VNN1: variants seen among roughly 807,000 people sequenced by gnomAD.
VNN1 encodes vanin 1.
VNN1 carries 29 observed loss-of-function variants against 41.9 expected under a neutral mutation model. The observed-to-expected ratio is 0.69, with a 90% CI of 0.52 to 0.94. VNN1 has a LOEUF of 0.94. Among genes scored for constraint, VNN1 ranks in the 40% least tolerant of loss-of-function variants. The pLI, the probability that VNN1 is intolerant of heterozygous loss-of-function variation, is 0.00. For synonymous variants in VNN1, 233 were observed against 224.4 expected (o/e 1.04, Z -0.34); for missense variants, 637 against 621.1 (o/e 1.03, Z -0.27).
Position 132,682,691 on chromosome 6 carries a change from C to T in VNN1, c.*449G>A, listed in dbSNP as rs577199813. On this transcript the variant is annotated 3_prime_UTR_variant, in exon 7 of 7. Coordinates refer to ENST00000367928, the MANE Select transcript of VNN1 (RefSeq NM_004666.3). ...ATTTTGGGGAGACATTATCAACCCA[C>T]AAGAGAATCAAAATGTATTGTTTAG... 7.2e-5 allele frequency: 11 copies of T among 152,814 alleles called. No homozygotes were observed. The highest frequency in any genetic ancestry group is 1.2e-4 in the African/African-American group (5 of 41,568). The allele number at this position is 152,814 out of a possible 1,614,324, so 9.5% of individuals were successfully genotyped here. A position where few individuals can be genotyped will look rare whatever the true frequency, so the allele number is the denominator to read the frequency against.
intron 2 of VNN1, among the ~76,000 whole-genome samples, chr6:132,707,817 T>C (rs1778540853): frequency 2.0e-5 from 3 of 152,166 alleles, no homozygotes; most frequent in South Asian, 4.1e-4. Flanking sequence ...AGGAGATTAA[T>C]GGGTACAAAA....
Position 132,682,877 on chromosome 6 carries a change from G to T in VNN1, c.*263C>A, listed in dbSNP as rs886490390. 2.2e-5 allele frequency: 5 copies of T among 226,536 alleles called. No individual in the cohort carries two copies. Among genetic ancestry groups the T allele is most frequent in the Non-Finnish European group, 3.4e-5 (4 of 118,672 alleles). 14.0% of individuals were successfully genotyped at this position (226,536 alleles called of 1,614,324 possible). On this transcript the variant is annotated 3_prime_UTR_variant, in exon 7 of 7. Coordinates refer to ENST00000367928, the MANE Select transcript of VNN1 (RefSeq NM_004666.3). Reference sequence around the variant, plus strand: ...TCTACCCGTAGTTTTTATTTCTTCTGCGTAAAAGATTTGTGATACTTATTT... The same window carrying T: ...TCTACCCGTAGTTTTTATTTCTTCTTCGTAAAAGATTTGTGATACTTATTT...
Position 132,683,104 on chromosome 6 carries a change from A to G in VNN1, c.*36T>C. Reference sequence around the variant, plus strand: ...TTCTTTTCTCATCCATCATTTTTTAAATTATCCCAAATAAAAAAGAGAAAA... The same window carrying G: ...TTCTTTTCTCATCCATCATTTTTTAGATTATCCCAAATAAAAAAGAGAAAA... On this transcript the variant is annotated 3_prime_UTR_variant, in exon 7 of 7. Transcript: ENST00000367928. The G allele has an allele frequency of 6.4e-7, 1 of 1,551,816 alleles. No individual in the cohort carries two copies. The highest frequency in any genetic ancestry group is 8.7e-7 in the Non-Finnish European group (1 of 1,146,950).
chr6:132,694,976 A>G (rs1778348276), intron 2 of VNN1, among the ~76,000 whole-genome samples: 1 of 152,062 alleles, frequency 6.6e-6, no homozygotes, highest in Non-Finnish European at 1.5e-5. Context: ...AACATGAAGA[A>G]ACCCCGTCTC....
At chr6:132,694,691 C>CA (rs1448518095) in intron 2 of VNN1, among the ~76,000 whole-genome samples, 3 of 134,938 alleles carry the variant, frequency 2.2e-5, no homozygotes, top group Non-Finnish European at 3.2e-5. Context: ...TGTCTCTCTA[C>CA]AAAAAATGAA....
At chr6:132,713,279 AT>A (rs1282304457) in intron 1 of VNN1, among the ~76,000 whole-genome samples, 1 of 152,242 alleles carries the variant, frequency 6.6e-6, no homozygotes, top group Non-Finnish European at 1.5e-5. Context: ...TTTATACTGT[AT>A]GATTAACTTC....
intron 2 of VNN1, 97 bp downstream of exon 2, chr6:132,711,608 TAAGA>T (rs1468094886): frequency 4.4e-6 from 6 of 1,368,596 alleles, no homozygotes; most frequent in Non-Finnish European, 5.9e-6. Context: ...TACTGAAACT[TAAGA>T]ATTGATCATG....
intron 2 of VNN1, among the ~76,000 whole-genome samples, chr6:132,695,981 AG>A (rs1308073084): frequency 1.3e-5 from 2 of 152,196 alleles, no homozygotes; most frequent in African/African-American, 4.8e-5. Flanking sequence ...CTCACTCAAA[AG>A]AAAGGAAAAA....
rs1347334294 is a variant in VNN1, at chr6:132,686,980, C to T, written c.1189-2475G>A. ...TTGGAAGATCAAGAGGAGGAAATCT[C>T]TCAGAAAGTAGAGGAGAAAAATAAA... is the stretch of plus-strand genomic sequence containing the variant. On this transcript the variant is annotated intron_variant, in intron 5 of 6. Coordinates refer to ENST00000367928, the MANE Select transcript of VNN1 (RefSeq NM_004666.3). Among the ~76,000 whole-genome samples, 6 of 152,088 alleles carry T rather than the reference C, an allele frequency of 3.9e-5. No individual in the cohort carries two copies. In the East Asian group the frequency reaches 9.7e-4, roughly 25 times the overall value.
In VNN1 at chr6:132,683,208, G is replaced by A; in HGVS notation, c.1474C>T (p.Leu492Phe). The change falls in exon 7 of 7, where the codon CTC (leucine) becomes TTC (phenylalanine). Residue 492 changes from leucine to phenylalanine, a missense_variant. Leu to Phe is a conservative substitution (Grantham distance 22, BLOSUM62 0). Coordinates refer to ENST00000367928, the MANE Select transcript of VNN1 (RefSeq NM_004666.3). Reference sequence around the variant, plus strand: ...ATTATTATTCTTGCTTGTGCTGTGAGGCCTGATGAAGCATTTGATGCCCAG... The same window carrying A: ...ATTATTATTCTTGCTTGTGCTGTGAAGCCTGATGAAGCATTTGATGCCCAG... ...KDWASNASSG[L>F]TAQARIIMLI... 1 of 1,614,058 alleles carries A rather than the reference G, an allele frequency of 6.2e-7. No homozygotes were observed. The highest frequency in any genetic ancestry group is 2.2e-5 in the East Asian group (1 of 44,872).
At chr6:132,683,785 G>A (rs944686824) in intron 6 of VNN1, among the ~76,000 whole-genome samples, 2 of 152,226 alleles carry the variant, frequency 1.3e-5, no homozygotes, top group African/African-American at 4.8e-5. Flanking sequence ...AACGGGGAGT[G>A]GGAGGAGAAC....
Position 132,682,622 on chromosome 6 carries a change from C to T in VNN1, c.*518G>A, listed in dbSNP as rs1225374109. Reference sequence around the variant, plus strand: ...ACCTTATTTTACCTCTTTAAAGACCCTGTCTCCAAATACAGTCACATTCTG... The same window carrying T: ...ACCTTATTTTACCTCTTTAAAGACCTTGTCTCCAAATACAGTCACATTCTG... On this transcript the variant is annotated 3_prime_UTR_variant, in exon 7 of 7. Coordinates refer to ENST00000367928, the MANE Select transcript of VNN1 (RefSeq NM_004666.3). 2 of 152,456 alleles carry T rather than the reference C, an allele frequency of 1.3e-5. No homozygotes were observed. Among genetic ancestry groups the T allele is most frequent in the Non-Finnish European group, 2.9e-5 (2 of 68,328 alleles). The allele number at this position is 152,456 out of a possible 1,614,324, so 9.4% of individuals were successfully genotyped here.
chr6:132,700,317 A>T (rs975958705), intron 2 of VNN1, among the ~76,000 whole-genome samples: 1 of 152,168 alleles, frequency 6.6e-6, no homozygotes, highest in Admixed American at 6.5e-5. Context: ...ATTTAAAAAA[A>T]AATTTTCAGA....
intron 2 of VNN1, among the ~76,000 whole-genome samples, chr6:132,704,800 T>C (rs1233671648): frequency 6.7e-6 from 1 of 149,102 alleles, no homozygotes; most frequent in African/African-American, 2.5e-5. Context: ...TTAGTGAGAC[T>C]AAGAAAAAAA....
intron 2 of VNN1, among the ~76,000 whole-genome samples, chr6:132,700,329 G>T (rs1168435412): frequency 6.6e-6 from 1 of 152,016 alleles, no homozygotes; most frequent in African/African-American, 2.4e-5. Context: ...ATTTTCAGAG[G>T]CATTGTCTGC....
intron 5 of VNN1, among the ~76,000 whole-genome samples, chr6:132,684,745 A>G (rs1252393631): frequency 6.6e-6 from 1 of 152,240 alleles, no homozygotes; most frequent in African/African-American, 2.4e-5. Context: ...GAGAAAGTCA[A>G]CTGAAATACT....
At chr6:132,702,447 G>A (rs78779972) in intron 2 of VNN1, among the ~76,000 whole-genome samples, 7,129 of 152,220 alleles carry the variant, frequency 0.047, 363 homozygotes, top group South Asian at 0.14. Flanking sequence ...TAGGCCACAA[G>A]GACTACAATT....
Position 132,699,193 on chromosome 6 carries a change from G to T in VNN1, c.342-5011C>A, listed in dbSNP as rs45462891. 2.1e-3 allele frequency: 771 copies of T among 364,050 alleles called. 8 individuals carry two copies. Among genetic ancestry groups the T allele is most frequent in the African/African-American group, 0.016 (716 of 45,566 alleles). 22.6% of individuals were successfully genotyped at this position (364,050 alleles called of 1,614,324 possible). ...TTTCAGACTTGATGAGAATGGAAAA[G>T]ATTGCATTGGAGAAGTTGTAATGTA... On this transcript the variant is annotated intron_variant, in intron 2 of 6. Transcript: ENST00000367928.
In VNN1 at chr6:132,682,225, C is replaced by G. The variant is rs1171982261; in HGVS notation, c.*915G>C. The G allele has an allele frequency of 2.6e-5, 4 of 152,130 alleles. No individual in the cohort carries two copies. Among genetic ancestry groups the G allele is most frequent in the Non-Finnish European group, 5.9e-5 (4 of 68,022 alleles). The allele number at this position is 152,130 out of a possible 1,614,324, so 9.4% of individuals were successfully genotyped here. The stretch of plus-strand genomic sequence containing the variant: ...CTTCTCTAAGAGTGTCTATTGGAGT[C>G]TTGAGGACCCAGACCAGCTGAATAT... On this transcript the variant is annotated 3_prime_UTR_variant, in exon 7 of 7. Transcript: ENST00000367928.
Sources: allele counts gnomAD v4.1 joint callset (sites outside exome capture counted in the v4.1 genomes callset), GRCh38; gene constraint gnomAD v4.1.1; transcripts MANE v1.5; gene names NCBI Gene and HGNC (gene_info 2026-07-23, HGNC 2026-07-21).